Variants in CNTNAP2 observed in about 807,000 individuals in gnomAD.
The protein encoded by CNTNAP2 is contactin-associated protein-like 2.
Under a neutral mutation model 155.2 loss-of-function variants are expected in CNTNAP2, and 98 were observed. The observed-to-expected ratio is 0.63, with a 90% CI of 0.54 to 0.75. The LOEUF (loss-of-function observed/expected upper bound fraction) is 0.75. CNTNAP2 is among the 30% of genes least tolerant of loss of function. The pLI is 0.00. For synonymous variants in CNTNAP2, 651 were observed against 631.2 expected (o/e 1.03, Z -0.47); for missense variants, 1,727 against 1,688.1 (o/e 1.02, Z -0.40).
At chr7:147,137,550 A>G (rs1051620440) in intron 8 of CNTNAP2, among the ~76,000 whole-genome samples, 4 of 151,872 alleles carry the variant, frequency 2.6e-5, no homozygotes, top group African/African-American at 4.8e-5. Flanking sequence ...ATGCTTAACA[A>G]TGTTACAAAT....
intron 3 of CNTNAP2, among the ~76,000 whole-genome samples, chr7:146,959,510 A>G (rs1344760179): frequency 6.6e-6 from 1 of 151,736 alleles, no homozygotes; most frequent in African/African-American, 2.4e-5. Flanking sequence ...ACTTGAGGTC[A>G]GGAGTTCGAG....
chr7:147,028,535 T>C (rs1798965522), intron 3 of CNTNAP2, among the ~76,000 whole-genome samples: 2 of 151,908 alleles, frequency 1.3e-5, no homozygotes, highest in Non-Finnish European at 2.9e-5. Flanking sequence ...CAAGGGAGAA[T>C]AGAGTTAGAT....
chr7:146,310,506 A>G (rs1584862430), intron 1 of CNTNAP2, among the ~76,000 whole-genome samples: 4 of 152,236 alleles, frequency 2.6e-5, no homozygotes, highest in East Asian at 3.9e-4. Context: ...CAGTGTAACT[A>G]TAATTGTACT....
chr7:147,472,483 G>A (rs1798242545), intron 10 of CNTNAP2, among the ~76,000 whole-genome samples: 1 of 152,082 alleles, frequency 6.6e-6, no homozygotes, highest in Admixed American at 6.5e-5. Context: ...AAAGTTCTGG[G>A]ATTACAGGCG....
chr7:146,857,356 G>T (rs148619774), intron 3 of CNTNAP2, among the ~76,000 whole-genome samples: 1 of 152,104 alleles, frequency 6.6e-6, no homozygotes, highest in Non-Finnish European at 1.5e-5. Flanking sequence ...CAAAAGAAAA[G>T]TTAAACAGAT....
intron 14 of CNTNAP2, among the ~76,000 whole-genome samples, chr7:147,948,051 A>C (rs890290996): frequency 2.0e-5 from 3 of 152,148 alleles, no homozygotes; most frequent in African/African-American, 7.2e-5. Context: ...AGAGGAGAAA[A>C]AAATACCTTA....
intron 3 of CNTNAP2, among the ~76,000 whole-genome samples, chr7:146,857,489 C>T (rs1311714806): frequency 6.6e-6 from 1 of 152,144 alleles, no homozygotes; most frequent in Non-Finnish European, 1.5e-5. Flanking sequence ...AATAAACATA[C>T]TAATCTTAAA....
intron 10 of CNTNAP2, among the ~76,000 whole-genome samples, chr7:147,441,397 C>T (rs540640522): frequency 2.0e-4 from 30 of 152,160 alleles, no homozygotes; most frequent in Admixed American, 1.5e-3. Context: ...TTCCTCAAAA[C>T]GGCTATTTGT....
intron 1 of CNTNAP2, among the ~76,000 whole-genome samples, chr7:146,730,005 C>T (rs553696469): frequency 1.3e-5 from 2 of 152,272 alleles, no homozygotes; most frequent in East Asian, 1.9e-4. Context: ...TGGCTCTGCT[C>T]CTGCTTCATA....
At chr7:147,618,954 C>A (rs950973773) in intron 12 of CNTNAP2, among the ~76,000 whole-genome samples, 1 of 152,148 alleles carries the variant, frequency 6.6e-6, no homozygotes, top group Non-Finnish European at 1.5e-5. Context: ...GTCAACATGA[C>A]TACACTGGTT....
intron 3 of CNTNAP2, among the ~76,000 whole-genome samples, chr7:146,882,023 A>T (rs1487202573): frequency 2.0e-5 from 3 of 151,752 alleles, no homozygotes; most frequent in Non-Finnish European, 2.9e-5. Flanking sequence ...GTCCATTTGT[A>T]CCCAATGTTT....
At chr7:147,066,081 G>C (rs896683158) in intron 4 of CNTNAP2, among the ~76,000 whole-genome samples, 1 of 152,222 alleles carries the variant, frequency 6.6e-6, no homozygotes, top group Non-Finnish European at 1.5e-5. Context: ...AGGTCTAAAA[G>C]CAAAAGCTTG....
At chr7:148,339,145 G>A (rs988938792) in intron 21 of CNTNAP2, among the ~76,000 whole-genome samples, 1 of 151,856 alleles carries the variant, frequency 6.6e-6, no homozygotes, top group Admixed American at 6.6e-5. Flanking sequence ...AAGACACGAA[G>A]TGTAAAAAAA....
intron 1 of CNTNAP2, among the ~76,000 whole-genome samples, chr7:146,130,986 TAAGAGGGTTACAATTC>T (rs1584763677): frequency 1.3e-5 from 2 of 152,274 alleles, no homozygotes; most frequent in East Asian, 3.9e-4. Context: ...ACTTGGGGAT[TAAGAGGGTTACAATTC>T]AAGATGAGAT....
chr7:147,250,615 G>C (rs1804176938), intron 8 of CNTNAP2, among the ~76,000 whole-genome samples: 1 of 151,798 alleles, frequency 6.6e-6, no homozygotes, highest in African/African-American at 2.4e-5. Context: ...TCTTTCGGGG[G>C]AGGGAGAGCT....
At chr7:146,765,213 G>A (rs1802173817) in intron 1 of CNTNAP2, among the ~76,000 whole-genome samples, 2 of 152,166 alleles carry the variant, frequency 1.3e-5, no homozygotes, top group Non-Finnish European at 2.9e-5. Context: ...CTAAAGTCAT[G>A]TACTGTACTG....
At chr7:147,376,575 T>G (rs1458404115) in intron 9 of CNTNAP2, among the ~76,000 whole-genome samples, 2 of 152,026 alleles carry the variant, frequency 1.3e-5, no homozygotes, top group Non-Finnish European at 2.9e-5. Context: ...TGTGTTGTCT[T>G]AAAATATTTT....
At chr7:146,606,949 A>G (rs1251432722) in intron 1 of CNTNAP2, among the ~76,000 whole-genome samples, 2 of 152,176 alleles carry the variant, frequency 1.3e-5, no homozygotes, top group Non-Finnish European at 2.9e-5. Flanking sequence ...TTGTATAGTC[A>G]TAAAGTATAC....
intron 1 of CNTNAP2, among the ~76,000 whole-genome samples, chr7:146,515,367 A>G (rs746043951): frequency 6.6e-6 from 1 of 152,038 alleles, no homozygotes; most frequent in Non-Finnish European, 1.5e-5. Flanking sequence ...ACTTTTCTGC[A>G]TAGTGCTTGG....
Sources: allele counts gnomAD v4.1 joint callset (sites outside exome capture counted in the v4.1 genomes callset), GRCh38; gene constraint gnomAD v4.1.1; transcripts MANE v1.5; gene names NCBI Gene and HGNC (gene_info 2026-07-23, HGNC 2026-07-21).